The following HIKESHI variants were observed in gnomAD, a reference collection of about 807,000 sequenced individuals.
HIKESHI encodes heat shock protein nuclear import factor hikeshi, also known as protein Hikeshi.
A neutral mutation model predicts 25.7 loss-of-function variants in HIKESHI; 13 were observed. The ratio of observed to expected loss-of-function variants is 0.51; its 90% CI spans 0.33 to 0.80. HIKESHI has a LOEUF of 0.80. Ranked by LOEUF, HIKESHI falls within the 30% of genes least tolerant of loss-of-function variation. HIKESHI has a pLI of 0.02. For synonymous variants in HIKESHI, 76 were observed against 78.7 expected, an observed-to-expected ratio of 0.97 and a Z score of 0.18; for missense variants, 174 against 229.5, an observed-to-expected ratio of 0.76 and a Z score of 1.56.
At chr11:86,326,233 G>T (rs1947279737) in intron 2 of HIKESHI, among the ~76,000 whole-genome samples, 1 of 152,172 alleles carries the variant, frequency 6.6e-6, no homozygotes, top group South Asian at 2.1e-4. Context: ...AGGTGGTGGA[G>T]GTTGCAGTGA....
At chr11:86,322,207 G>T (rs560923159) in intron 2 of HIKESHI, among the ~76,000 whole-genome samples, 1 of 151,976 alleles carries the variant, frequency 6.6e-6, no homozygotes, top group Non-Finnish European at 1.5e-5. Context: ...GGCTGATCTC[G>T]AACTCCTGAC....
chr11:86,321,905 T>C (rs1947159248), intron 2 of HIKESHI, among the ~76,000 whole-genome samples: 1 of 152,164 alleles, frequency 6.6e-6, no homozygotes, highest in Admixed American at 6.6e-5. Flanking sequence ...GTATGGTCAG[T>C]TTTAAGCATT....
intron 2 of HIKESHI, among the ~76,000 whole-genome samples, chr11:86,313,455 C>T (rs1206729147): frequency 6.6e-6 from 1 of 152,170 alleles, no homozygotes; most frequent in Non-Finnish European, 1.5e-5. Context: ...TGGTCTTGAA[C>T]TCCTGACCTT....
intron 2 of HIKESHI, among the ~76,000 whole-genome samples, chr11:86,326,974 C>T (rs61904323): frequency 6.6e-6 from 1 of 152,048 alleles, no homozygotes; most frequent in African/African-American, 2.4e-5. Flanking sequence ...GCCTATAGTC[C>T]TAACTACTCG....
chr11:86,341,038 TC>T (rs1947711225), intron 3 of HIKESHI, among the ~76,000 whole-genome samples: 1 of 152,152 alleles, frequency 6.6e-6, no homozygotes, highest in South Asian at 2.1e-4. Context: ...TCAACTTCCC[TC>T]CCCTTTTTAA....
intron 4 of HIKESHI, chr11:86,345,231 C>A: frequency 5.4e-6 from 4 of 744,068 alleles, no homozygotes; most frequent in Non-Finnish European, 6.8e-6. Context: ...GCTATGTGAC[C>A]CTGAGCAAAT....
At chr11:86,319,217 A>T (rs1323605964) in intron 2 of HIKESHI, among the ~76,000 whole-genome samples, 2 of 115,048 alleles carry the variant, frequency 1.7e-5, no homozygotes, top group South Asian at 2.9e-4. Flanking sequence ...CTGGCTTAAA[A>T]ATATATATAT....
chr11:86,321,581 G>A (rs1287013526), intron 2 of HIKESHI, among the ~76,000 whole-genome samples: 3 of 151,960 alleles, frequency 2.0e-5, no homozygotes. Flanking sequence ...CCAGGCAGGA[G>A]TGCAGTGGCA....
intron 2 of HIKESHI, among the ~76,000 whole-genome samples, chr11:86,328,366 C>T (rs1251105575): frequency 2.0e-5 from 3 of 151,294 alleles, no homozygotes; most frequent in Non-Finnish European, 4.4e-5. Context: ...TCAAGTGATT[C>T]TTATGCCTCA....
rs1946512489 is a variant in HIKESHI at position 86,302,283 on chromosome 11, C to T, written c.-166C>T. ...TGCTTAGGAAGAGAAGGTCAGAGTT[C>T]GCGGGGGCAGAGGCATTCTTGCCGC... On this transcript the variant is annotated 5_prime_UTR_variant, in exon 1 of 5. Transcript: ENST00000278483. 2.6e-6 allele frequency: 2 copies of T among 755,902 alleles called. No individual in the cohort carries two copies. The highest frequency in any genetic ancestry group is 2.2e-5 in the Admixed American group (1 of 46,356). The allele number at this position is 755,902 out of a possible 1,614,324, so 46.8% of individuals were successfully genotyped here. A position where few individuals can be genotyped will look rare whatever the true frequency, so the allele number is the denominator to read the frequency against.
intron 1 of HIKESHI, 149 bp from the exon 2 acceptor site, chr11:86,306,096 A>C (rs1565717719): frequency 1.2e-5 from 7 of 597,160 alleles, no homozygotes; most frequent in Non-Finnish European, 2.1e-5. Flanking sequence ...TGTAAAACTA[A>C]GTATGTATTT....
intron 2 of HIKESHI, among the ~76,000 whole-genome samples, chr11:86,333,668 C>A (rs1947476596): frequency 6.6e-6 from 1 of 151,758 alleles, no homozygotes; most frequent in Non-Finnish European, 1.5e-5. Context: ...TTCTGCTATT[C>A]TTTTATCTCT....
At chr11:86,314,464 A>G (rs920162132) in intron 2 of HIKESHI, among the ~76,000 whole-genome samples, 3 of 152,092 alleles carry the variant, frequency 2.0e-5, no homozygotes, top group Non-Finnish European at 4.4e-5. Context: ...AAATACAAAA[A>G]ATTAGCCAGG....
intron 4 of HIKESHI, chr11:86,345,040 C>T: frequency 9.9e-6 from 8 of 805,204 alleles, no homozygotes; most frequent in Non-Finnish European, 1.3e-5. Context: ...TTATACTGCA[C>T]TGTGTACATG....
At chr11:86,339,692 C>T (rs550614242) in intron 3 of HIKESHI, among the ~76,000 whole-genome samples, 1 of 152,186 alleles carries the variant, frequency 6.6e-6, no homozygotes, top group Admixed American at 6.5e-5. Context: ...AATTTAATTA[C>T]TTAGTTACTC....
At position 86,345,819 on chromosome 11, in the gene HIKESHI, A is replaced by G; in HGVS notation, c.*181A>G. ...AACATTGAAAAATGAAAATATGTTC[A>G]TCATTAAAGACTTTTTTCCCCTTAA... is the stretch of plus-strand genomic sequence containing the variant. On this transcript the variant is annotated 3_prime_UTR_variant, in exon 5 of 5. Transcript: ENST00000278483. The G allele has an allele frequency of 2.6e-6, 1 of 386,668 alleles. No homozygotes were observed. Among genetic ancestry groups the G allele is most frequent in the Non-Finnish European group, 4.6e-6 (1 of 218,562 alleles). The allele number at this position is 386,668 out of a possible 1,614,324, so 24.0% of individuals were successfully genotyped here.
In HIKESHI at chr11:86,344,626, T is replaced by C; in HGVS notation, c.444T>C (p.Asn148=). 8 of 1,603,860 alleles carry C rather than the reference T, an allele frequency of 5.0e-6. No homozygotes were observed. The highest frequency in any genetic ancestry group is 1.1e-5 in the South Asian group (1 of 90,410). ...FTQFTQKMLD[N]FYNFASSFAV... Reference sequence around the variant, plus strand: ...AGTTCACACAAAAGATGTTGGACAATTTCTACAATTTTGCTTCATCATTTG... The same window carrying C: ...AGTTCACACAAAAGATGTTGGACAACTTCTACAATTTTGCTTCATCATTTG... The change falls in exon 4 of 5, where the codon AAT becomes AAC. Residue 148 remains asparagine, a synonymous_variant. Coordinates refer to ENST00000278483, the MANE Select transcript of HIKESHI (RefSeq NM_016401.4).
chr11:86,306,171 CTT>C, intron 1 of HIKESHI, 72 bp from the exon 2 acceptor site: 3 of 957,934 alleles, frequency 3.1e-6, no homozygotes, highest in Non-Finnish European at 4.9e-6. Flanking sequence ...GGTAATATAA[CTT>C]ATAAATGATA....
chr11:86,339,336 C>G (rs1242775483), intron 3 of HIKESHI, among the ~76,000 whole-genome samples: 3 of 152,188 alleles, frequency 2.0e-5, no homozygotes, highest in African/African-American at 7.2e-5. Flanking sequence ...GCGTGAGCCA[C>G]CGCGCCCAGC....
Sources: gnomAD v4.1 joint callset for allele counts (sites outside exome capture counted in the v4.1 genomes callset) on GRCh38, gnomAD v4.1.1 for gene constraint, MANE v1.5 for transcripts, NCBI Gene and HGNC (gene_info 2026-07-23, HGNC 2026-07-21) for gene names.